The following FCHSD2 variants were observed in gnomAD, a reference collection of about 807,000 sequenced individuals.
FCHSD2 encodes the protein FCH and double SH3 domains 2.
A neutral mutation model predicts 108.1 loss-of-function variants in FCHSD2; 38 were observed. That is an observed-to-expected ratio of 0.35 (90% confidence interval 0.27 to 0.46). The LOEUF (loss-of-function observed/expected upper bound fraction) is 0.46. Among genes scored for constraint, FCHSD2 ranks in the 20% least tolerant of loss-of-function variants. The probability of loss-of-function intolerance (pLI) is 1.00; values close to 1 mark genes in which losing one functional copy is unlikely to be tolerated. For missense variants in FCHSD2, 751 were observed against 897.8 expected (o/e 0.84, Z 2.09); for synonymous variants, 279 against 314.7 (o/e 0.89, Z 1.20).
intron 3 of FCHSD2, among the ~76,000 whole-genome samples, chr11:73,062,868 C>T (rs531667401): frequency 2.6e-5 from 4 of 152,244 alleles, no homozygotes; most frequent in Admixed American, 1.3e-4. Context: ...CACACTTCAG[C>T]GTATTATCCA....
intron 2 of FCHSD2, among the ~76,000 whole-genome samples, chr11:73,120,611 C>A (rs2135557553): frequency 1.3e-5 from 2 of 152,142 alleles, no homozygotes; most frequent in Middle Eastern, 6.8e-3. Context: ...TGCCTATAAT[C>A]CCAGCTACTC....
chr11:73,141,925 C>G lies in FCHSD2; in HGVS notation c.-48G>C. ...TCCCCGACGGCAGCGTTAGCAAGGA[C>G]CAGGAGGAGGAGGAGGGCCGGAGAG... On this transcript the variant is annotated 5_prime_UTR_variant, in exon 1 of 20. Transcript: ENST00000409418. 6.5e-7 allele frequency: 1 copy of G among 1,533,238 alleles called. No individual in the cohort carries two copies. Among genetic ancestry groups the G allele is most frequent in the Non-Finnish European group, 8.8e-7 (1 of 1,140,380 alleles). The allele number at this position is 1,533,238 out of a possible 1,614,324, so 95.0% of individuals were successfully genotyped here. A position where few individuals can be genotyped will look rare whatever the true frequency, so the allele number is the denominator to read the frequency against.
intron 12 of FCHSD2, among the ~76,000 whole-genome samples, chr11:72,870,790 C>T (rs1854838576): frequency 6.7e-6 from 1 of 149,682 alleles, no homozygotes; most frequent in Admixed American, 6.7e-5. Flanking sequence ...GTCCCAGCTA[C>T]TCGGGAGGCT....
intron 3 of FCHSD2, among the ~76,000 whole-genome samples, chr11:73,078,746 T>C (rs1221811412): frequency 3.3e-5 from 5 of 152,056 alleles, no homozygotes; most frequent in Non-Finnish European, 7.4e-5. Context: ...AGAGACAAGG[T>C]CTCACTCTGT....
chr11:73,004,162 G>A (rs1441738559), intron 4 of FCHSD2, among the ~76,000 whole-genome samples: 1 of 143,186 alleles, frequency 7.0e-6, no homozygotes, highest in Non-Finnish European at 1.5e-5. Flanking sequence ...ACGGTACTTT[G>A]CCATTCTACA....
chr11:73,018,853 G>T (rs1429028981), intron 3 of FCHSD2, among the ~76,000 whole-genome samples: 1 of 152,194 alleles, frequency 6.6e-6, no homozygotes, highest in East Asian at 1.9e-4. Flanking sequence ...ATATGTGTGG[G>T]TATTCCAAAG....
At chr11:73,109,569 C>T (rs1860433136) in intron 2 of FCHSD2, among the ~76,000 whole-genome samples, 1 of 152,120 alleles carries the variant, frequency 6.6e-6, no homozygotes, top group African/African-American at 2.4e-5. Context: ...ATTTCATATC[C>T]TGCAAATTTA....
chr11:73,033,266 C>T lies in FCHSD2; in HGVS notation c.166-17381G>A, dbSNP rs570725742. 1.9e-4 allele frequency among the ~76,000 whole-genome samples: 28 copies of T among 145,980 alleles called. 1 individual carries two copies. The South Asian group carries it at 5.9e-3, about 31-fold the overall frequency. On this transcript the variant is annotated intron_variant, in intron 3 of 19. Transcript: ENST00000409418. ...TCGCGCCACTGCACTCCAGCCTGGGCAACAGAGCGAGATTCCGACTCAAAA... is the reference window on the plus strand; with the variant it reads ...TCGCGCCACTGCACTCCAGCCTGGGTAACAGAGCGAGATTCCGACTCAAAA...
chr11:73,100,441 G>A (rs556364589), intron 2 of FCHSD2, among the ~76,000 whole-genome samples: 3 of 151,908 alleles, frequency 2.0e-5, no homozygotes, highest in Non-Finnish European at 4.4e-5. Flanking sequence ...TCGGTTCACC[G>A]CAACCTCCAC....
chr11:73,062,964 G>A (rs1161228117), intron 3 of FCHSD2, among the ~76,000 whole-genome samples: 4 of 152,124 alleles, frequency 2.6e-5, no homozygotes, highest in Non-Finnish European at 4.4e-5. Context: ...CTCAAGAAGA[G>A]CAACCCTAAG....
chr11:72,980,712 A>G (rs1857199031), intron 8 of FCHSD2, among the ~76,000 whole-genome samples: 1 of 149,682 alleles, frequency 6.7e-6, no homozygotes, highest in South Asian at 2.1e-4. Context: ...ATGTATGTAT[A>G]TATATGTATG....
chr11:73,024,104 T>G (rs1029669626), intron 3 of FCHSD2, among the ~76,000 whole-genome samples: 4 of 152,120 alleles, frequency 2.6e-5, no homozygotes, highest in Middle Eastern at 6.8e-3. Context: ...CCCAAAGAAC[T>G]TTGACAATAC....
chr11:72,978,854 CTTTT>C (rs1190277188), intron 8 of FCHSD2, among the ~76,000 whole-genome samples: 1 of 110,858 alleles, frequency 9.0e-6, no homozygotes. Context: ...GTAGCTCTTT[CTTTT>C]TTTTTTTTTT....
intron 8 of FCHSD2, among the ~76,000 whole-genome samples, chr11:72,968,215 G>C (rs1269600354): frequency 1.3e-5 from 2 of 152,138 alleles, no homozygotes; most frequent in Non-Finnish European, 2.9e-5. Flanking sequence ...AGGGTACAAT[G>C]TAGATGCTCC....
In FCHSD2 at chr11:73,001,054, T is replaced by C; in HGVS notation, c.323A>G (p.Tyr108Cys). Reference sequence around the variant, plus strand: ...TGCAGGCTCAGAAATGAAGTTTTTATAGTTTTCACATATATTCATCCGAGA... The same window carrying C: ...TGCAGGCTCAGAAATGAAGTTTTTACAGTTTTCACATATATTCATCCGAGA... ...AQSRMNICEN[Y>C]KNFISEPART... The change falls in exon 5 of 20, where the codon TAT (tyrosine) becomes TGT (cysteine). Residue 108 changes from tyrosine (Y) to cysteine (C), a missense_variant. By Grantham distance (194) the Tyr-to-Cys change is radical. Coordinates refer to ENST00000409418, the MANE Select transcript of FCHSD2 (RefSeq NM_014824.3). The C allele has an allele frequency of 2.5e-6, 4 of 1,612,998 alleles. No homozygotes were observed. Among genetic ancestry groups the C allele is most frequent in the Non-Finnish European group, 3.4e-6 (4 of 1,179,432 alleles).
chr11:73,027,337 A>C (rs1400552162), intron 3 of FCHSD2, among the ~76,000 whole-genome samples: 1 of 152,230 alleles, frequency 6.6e-6, no homozygotes, highest in Non-Finnish European at 1.5e-5. Context: ...AGAGACTGGC[A>C]GCATTTTGCC....
rs559590856 is a variant in FCHSD2 at position 73,117,096 on chromosome 11, T to C, written c.119+22935A>G. On this transcript the variant is annotated intron_variant, in intron 2 of 19. Coordinates refer to ENST00000409418, the MANE Select transcript of FCHSD2 (RefSeq NM_014824.3). ...TGATTATACGTATTTTTGTTTTCCA[T>C]TCATCTTTCTACTTATCAATAACAG... Among the ~76,000 whole-genome samples the C allele has an allele frequency of 8.5e-5, 13 of 152,334 alleles. No homozygotes were observed. In the South Asian group the frequency reaches 2.1e-3, roughly 24 times the overall value.
chr11:73,034,529 C>T (rs1464521374), intron 3 of FCHSD2, among the ~76,000 whole-genome samples: 1 of 152,176 alleles, frequency 6.6e-6, no homozygotes, highest in Non-Finnish European at 1.5e-5. Flanking sequence ...AAATAGAGAT[C>T]AAAGTTTCCA....
At chr11:72,952,782 T>C (rs183453698) in intron 8 of FCHSD2, among the ~76,000 whole-genome samples, 273 of 152,308 alleles carry the variant, frequency 1.8e-3, no homozygotes, top group Non-Finnish European at 2.8e-3. Flanking sequence ...CTTACACATA[T>C]TTACAATTCA....
Sources: gnomAD v4.1 joint callset for allele counts (sites outside exome capture counted in the v4.1 genomes callset) on GRCh38, gnomAD v4.1.1 for gene constraint, MANE v1.5 for transcripts, NCBI Gene and HGNC (gene_info 2026-07-23, HGNC 2026-07-21) for gene names.